CENPP: variants seen among roughly 807,000 people sequenced by gnomAD.
The protein encoded by CENPP is centromere protein P.
A neutral mutation model predicts 35.6 loss-of-function variants in CENPP; 24 were observed. That is an observed-to-expected ratio of 0.67 (90% CI 0.49 to 0.95). The LOEUF (loss-of-function observed/expected upper bound fraction) is 0.95. Ranked by LOEUF, CENPP falls within the 40% of genes least tolerant of loss-of-function variation. CENPP has a pLI of 0.00. For synonymous variants in CENPP, 120 were observed against 125.5 expected (o/e 0.96, Z 0.29); for missense variants, 332 against 345.3 (o/e 0.96, Z 0.31).
At chr9:92,359,320 T>C (rs1439920495) in intron 4 of CENPP, among the ~76,000 whole-genome samples, 1 of 152,198 alleles carries the variant, frequency 6.6e-6, no homozygotes, top group Non-Finnish European at 1.5e-5. Flanking sequence ...TTGAACCTAA[T>C]AATGTGGTAA....
chr9:92,533,593 C>T (rs913956067), intron 5 of CENPP, among the ~76,000 whole-genome samples: 1 of 151,732 alleles, frequency 6.6e-6, no homozygotes, highest in South Asian at 2.1e-4. Context: ...TCTAGTTATT[C>T]TCAGCAGGTC....
intron 5 of CENPP, chr9:92,403,585 G>T (rs993832125): frequency 7.4e-5 from 91 of 1,233,608 alleles, no homozygotes; most frequent in Non-Finnish European, 9.0e-5. Flanking sequence ...TTAACCCTTA[G>T]TGATCTTTAA....
At chr9:92,495,373 G>A (rs568159551) in intron 5 of CENPP, 15 of 976,250 alleles carry the variant, frequency 1.5e-5, no homozygotes, top group Non-Finnish European at 1.8e-5. Context: ...TAAAGACATA[G>A]CTTTATTTCA....
intron 5 of CENPP, among the ~76,000 whole-genome samples, chr9:92,496,690 C>T (rs933435023): frequency 2.6e-5 from 4 of 152,196 alleles, no homozygotes; most frequent in Admixed American, 2.6e-4. Context: ...CACCCTCTGA[C>T]TCGGGAGATT....
chr9:92,590,042 A>G (rs917880893), intron 5 of CENPP, among the ~76,000 whole-genome samples: 2 of 152,220 alleles, frequency 1.3e-5, no homozygotes, highest in African/African-American at 2.4e-5. Context: ...TTATAACAAC[A>G]TCAGTCACAT....
At position 92,325,965 on chromosome 9, in the gene CENPP, G is replaced by T. The variant is rs937865941; in HGVS notation, c.-34G>T. The T allele has an allele frequency of 1.8e-5, 28 of 1,525,362 alleles. No homozygotes were observed. In the Middle Eastern group the frequency reaches 6.7e-4, roughly 37 times the overall value. The allele number at this position is 1,525,362 out of a possible 1,614,324, so 94.5% of individuals were successfully genotyped here. ...AAGCGCGCAGGTCGGAGTGACAGCT[G>T]CGCTGCCGGCCCGGCTGCGGTCAGC... On this transcript the variant is annotated 5_prime_UTR_variant, in exon 1 of 8. Transcript: ENST00000375587.
intron 4 of CENPP, among the ~76,000 whole-genome samples, chr9:92,358,912 A>T (rs1588057261): frequency 7.3e-6 from 1 of 136,082 alleles, no homozygotes; most frequent in African/African-American, 2.7e-5. Flanking sequence ...TTTTCATTTC[A>T]CGAGGCCATT....
intron 5 of CENPP, among the ~76,000 whole-genome samples, chr9:92,587,768 A>G (rs1300763314): frequency 2.0e-5 from 3 of 152,220 alleles, no homozygotes; most frequent in East Asian, 3.8e-4. Flanking sequence ...TGTTTTGGAA[A>G]TAGAGGTGGT....
chr9:92,571,081 C>T (rs1588285284), intron 5 of CENPP, among the ~76,000 whole-genome samples: 2 of 152,216 alleles, frequency 1.3e-5, no homozygotes, highest in South Asian at 4.1e-4. Context: ...CTATCTCCTT[C>T]AGTTCTGCTC....
chr9:92,416,136 G>C (rs1843605641), intron 5 of CENPP, among the ~76,000 whole-genome samples: 1 of 140,460 alleles, frequency 7.1e-6, no homozygotes, highest in African/African-American at 2.6e-5. Flanking sequence ...GTTTTGCTCT[G>C]TCATCCAGGC....
chr9:92,549,604 G>A (rs886119071), intron 5 of CENPP, among the ~76,000 whole-genome samples: 6 of 148,226 alleles, frequency 4.0e-5, no homozygotes, highest in Non-Finnish European at 7.4e-5. Flanking sequence ...CCAAGATCGC[G>A]CCACTGCACT....
chr9:92,513,422 C>A (rs1465935925), intron 5 of CENPP, among the ~76,000 whole-genome samples: 1 of 152,202 alleles, frequency 6.6e-6, no homozygotes, highest in African/African-American at 2.4e-5. Flanking sequence ...CATGTATTTA[C>A]CATATCCGCA....
chr9:92,564,641 G>A (rs987609552), intron 5 of CENPP, among the ~76,000 whole-genome samples: 3 of 152,192 alleles, frequency 2.0e-5, no homozygotes, highest in Non-Finnish European at 2.9e-5. Context: ...AATCCATTCT[G>A]TGGATCAAAA....
At chr9:92,539,625 T>C (rs1010623222) in intron 5 of CENPP, among the ~76,000 whole-genome samples, 4 of 152,030 alleles carry the variant, frequency 2.6e-5, no homozygotes, top group African/African-American at 9.7e-5. Flanking sequence ...GGTTAGTGGC[T>C]AGATTGGTAG....
At chr9:92,502,465 G>A (rs1281496962) in intron 5 of CENPP, 2 of 1,593,046 alleles carry the variant, frequency 1.3e-6, no homozygotes, top group South Asian at 2.2e-5. Flanking sequence ...TAATAATAGC[G>A]AGAGGAAGAA....
chr9:92,445,744 C>A (rs1251011404), intron 5 of CENPP, among the ~76,000 whole-genome samples: 1 of 151,764 alleles, frequency 6.6e-6, no homozygotes, highest in Non-Finnish European at 1.5e-5. Flanking sequence ...ATTAGCTGGG[C>A]GTGTTGGTAG....
intron 5 of CENPP, among the ~76,000 whole-genome samples, chr9:92,499,391 A>T (rs1057011201): frequency 1.3e-5 from 2 of 152,218 alleles, no homozygotes; most frequent in African/African-American, 4.8e-5. Flanking sequence ...ATTCCAGCTA[A>T]TGAGCATGAG....
intron 3 of CENPP, among the ~76,000 whole-genome samples, chr9:92,338,636 G>T (rs1303398451): frequency 1.3e-5 from 2 of 151,726 alleles, no homozygotes. Flanking sequence ...AATATTTTTG[G>T]TCTGCAGTTG....
In CENPP at chr9:92,446,452, G is replaced by A. The variant is rs144884155; in HGVS notation, c.564+66593G>A. 3.8e-3 allele frequency among the ~76,000 whole-genome samples: 582 copies of A among 152,248 alleles called. 3 individuals carry two copies. The highest frequency in any genetic ancestry group is 0.012 in the African/African-American group (481 of 41,530). On this transcript the variant is annotated intron_variant, in intron 5 of 7. Transcript: ENST00000375587. ...TAAAAGTGCATTGGGGAAAAATGCC[G>A]TTTGCCCCTTCCTCTGTGTAATGTA...
Sources: allele counts gnomAD v4.1 joint callset (sites outside exome capture counted in the v4.1 genomes callset), GRCh38; gene constraint gnomAD v4.1.1; transcripts MANE v1.5; gene names NCBI Gene and HGNC (gene_info 2026-07-23, HGNC 2026-07-21).